The following TMEM38B variants were observed in gnomAD, a reference collection of about 807,000 sequenced individuals.
TMEM38B encodes transmembrane protein 38B, also known as trimeric intracellular cation channel type B.
In TMEM38B, 24 loss-of-function variants were observed where a neutral mutation model predicts 28.7. That is an observed-to-expected ratio of 0.84 (90% CI 0.61 to 1.18). The LOEUF (loss-of-function observed/expected upper bound fraction) is 1.18, where lower values mean the gene tolerates loss of function less well. Among genes scored for constraint, TMEM38B ranks in the 50% most tolerant of loss-of-function variants. TMEM38B has a pLI of 0.00. For synonymous variants in TMEM38B, 131 were observed against 127.7 expected (o/e 1.03, Z -0.17); for missense variants, 380 against 350.9 (o/e 1.08, Z -0.66).
At chr9:105,708,718 T>C (rs920166010) in intron 2 of TMEM38B, among the ~76,000 whole-genome samples, 9 of 152,122 alleles carry the variant, frequency 5.9e-5, no homozygotes, top group African/African-American at 2.2e-4. Context: ...AATCTTTTTT[T>C]CCTCAGAAGT....
In TMEM38B at chr9:105,744,360, G is replaced by A. The variant is rs570231843; in HGVS notation, c.543-3713G>A. On this transcript the variant is annotated intron_variant, in intron 4 of 5. Transcript: ENST00000374692. ...GAGTATATAGGAAGACAATAAATGA[G>A]TATTGTCAACCTGCCATTTTTAACT... Among the ~76,000 whole-genome samples, 207 of 151,976 alleles carry A rather than the reference G, an allele frequency of 1.4e-3. 1 individual carries two copies. The highest frequency in any genetic ancestry group is 4.8e-3 in the African/African-American group (199 of 41,518).
intron 4 of TMEM38B, among the ~76,000 whole-genome samples, chr9:105,724,938 G>A (rs955459531): frequency 4.0e-5 from 6 of 151,824 alleles, no homozygotes; most frequent in African/African-American, 1.5e-4. Context: ...TCCTCCAAAC[G>A]GCCTATAAGT....
Position 105,750,865 on chromosome 9 carries a change from TTGTC to T in TMEM38B, c.660+2678_660+2681del, listed in dbSNP as rs1837623483. Among the ~76,000 whole-genome samples, 5 of 152,348 alleles carry T rather than the reference TTGTC, an allele frequency of 3.3e-5. No individual in the cohort carries two copies. In the South Asian group the frequency reaches 1.0e-3, roughly 32 times the overall value. Reference sequence around the variant, plus strand: ...CAAGTTTTCTCATGTGGATATATAGTTGTCTGAGCACTATTTATTGTAAAAACCG... The same window carrying T: ...CAAGTTTTCTCATGTGGATATATAGTTGAGCACTATTTATTGTAAAAACCG... On this transcript the variant is annotated intron_variant, in intron 5 of 5. Coordinates refer to ENST00000374692, the MANE Select transcript of TMEM38B (RefSeq NM_018112.3).
At chr9:105,750,715 GC>G (rs1837617604) in intron 5 of TMEM38B, among the ~76,000 whole-genome samples, 1 of 152,068 alleles carries the variant, frequency 6.6e-6, no homozygotes, top group Admixed American at 6.6e-5. Flanking sequence ...AGAAACCGTT[GC>G]CAAATCTAAG....
Position 105,735,179 on chromosome 9 carries a change from A to G in TMEM38B, c.542+12558A>G, listed in dbSNP as rs149354470. Among the ~76,000 whole-genome samples the G allele has an allele frequency of 1.3e-3, 202 of 152,272 alleles. 3 individuals are homozygous for G. Among genetic ancestry groups the G allele is most frequent in the African/African-American group, 4.6e-3 (193 of 41,548 alleles). ...AACTTTACTCACATAAAAGTACTCT[A>G]GACATTTTCCCTATCCTTAATTTAT... On this transcript the variant is annotated intron_variant, in intron 4 of 5. Transcript: ENST00000374692.
chr9:105,714,890 T>C (rs2133567786), intron 2 of TMEM38B, among the ~76,000 whole-genome samples: 1 of 152,366 alleles, frequency 6.6e-6, no homozygotes, highest in African/African-American at 2.4e-5. Flanking sequence ...TTGATCATTA[T>C]GTCTAGGCCT....
intron 5 of TMEM38B, among the ~76,000 whole-genome samples, chr9:105,766,628 CCTTTCATGGCCCTT>C (rs1826382209): frequency 6.6e-6 from 1 of 151,570 alleles, no homozygotes; most frequent in South Asian, 2.1e-4. Context: ...ACTAGATTTT[CCTTTCATGGCCCTT>C]CTTTTTGTGT....
chr9:105,715,537 T>C (rs755842767), intron 2 of TMEM38B, among the ~76,000 whole-genome samples: 8 of 152,054 alleles, frequency 5.3e-5, no homozygotes, highest in Admixed American at 2.0e-4. Flanking sequence ...TATTGGCTCT[T>C]CTTTGCCTTT....
chr9:105,732,905 G>T (rs1836814275), intron 4 of TMEM38B, among the ~76,000 whole-genome samples: 1 of 152,112 alleles, frequency 6.6e-6, no homozygotes, highest in Non-Finnish European at 1.5e-5. Context: ...TGGACAGTAT[G>T]GCCATTTTCA....
intron 5 of TMEM38B, among the ~76,000 whole-genome samples, chr9:105,764,544 C>G (rs1588474174): frequency 6.6e-6 from 1 of 152,128 alleles, no homozygotes; most frequent in Non-Finnish European, 1.5e-5. Flanking sequence ...AGGACCTCTT[C>G]AAGGAGAACT....
At chr9:105,748,978 T>G (rs1837541901) in intron 5 of TMEM38B, 4 of 1,032,158 alleles carry the variant, frequency 3.9e-6, no homozygotes, top group African/African-American at 1.7e-5. Flanking sequence ...GGCTAAAAAC[T>G]TATCTACAGG....
At chr9:105,736,858 T>C (rs758513641) in intron 4 of TMEM38B, among the ~76,000 whole-genome samples, 14 of 152,248 alleles carry the variant, frequency 9.2e-5, no homozygotes, top group Non-Finnish European at 2.1e-4. Flanking sequence ...CTTCTTTAAC[T>C]ATAATCAATG....
chr9:105,696,210 A>G (rs866906263), intron 1 of TMEM38B, among the ~76,000 whole-genome samples: 2 of 152,354 alleles, frequency 1.3e-5, no homozygotes, highest in South Asian at 4.1e-4. Context: ...ATTTGTTAGA[A>G]TGTACACAGT....
intron 4 of TMEM38B, among the ~76,000 whole-genome samples, chr9:105,723,817 C>T (rs1319155391): frequency 6.6e-6 from 1 of 152,118 alleles, no homozygotes; most frequent in African/African-American, 2.4e-5. Context: ...GCATGAGCCA[C>T]TGTGCCTGGC....
intron 4 of TMEM38B, among the ~76,000 whole-genome samples, chr9:105,746,787 AG>A (rs1837414688): frequency 6.6e-6 from 1 of 152,204 alleles, no homozygotes; most frequent in African/African-American, 2.4e-5. Flanking sequence ...ATTAGCATGA[AG>A]GGCTGTTGAA....
At chr9:105,738,852 G>A (rs1837081129) in intron 4 of TMEM38B, among the ~76,000 whole-genome samples, 1 of 150,942 alleles carries the variant, frequency 6.6e-6, no homozygotes, top group Non-Finnish European at 1.5e-5. Flanking sequence ...TGAGTAGCTG[G>A]GACTACAGGC....
rs564053645 is a variant in TMEM38B, at chr9:105,774,335, T to C, written c.*255T>C. ...TGTGATTATTTGAATAGTTTTATAT[T>C]AATAAAAGAAGACAAAATTTTTTAA... is the stretch of plus-strand genomic sequence containing the variant. On this transcript the variant is annotated 3_prime_UTR_variant, in exon 6 of 6. Transcript: ENST00000374692. The C allele has an allele frequency of 5.7e-5, 15 of 265,106 alleles. No homozygotes were observed. Among genetic ancestry groups the C allele is most frequent in the Non-Finnish European group, 1.4e-5 (2 of 142,572 alleles). 16.4% of individuals were successfully genotyped at this position (265,106 alleles called of 1,614,324 possible). A position where few individuals can be genotyped will look rare whatever the true frequency, so the allele number is the denominator to read the frequency against.
intron 2 of TMEM38B, among the ~76,000 whole-genome samples, chr9:105,719,238 A>AT (rs919064032): frequency 6.6e-6 from 1 of 151,898 alleles, no homozygotes; most frequent in Non-Finnish European, 1.5e-5. Flanking sequence ...TTCTTTCGTT[A>AT]TTTTTTCTCT....
At position 105,708,582 on chromosome 9, in the gene TMEM38B, G is replaced by C. The variant is rs1564387889; in HGVS notation, c.269+2829G>C. Reference sequence around the variant, plus strand: ...AATACTCGCTTTCACTTTCTTTTATGTAACGTCTTACAACTCTATTCTTGC... The same window carrying C: ...AATACTCGCTTTCACTTTCTTTTATCTAACGTCTTACAACTCTATTCTTGC... On this transcript the variant is annotated intron_variant, in intron 2 of 5. Transcript: ENST00000374692. Among the ~76,000 whole-genome samples, 5 of 152,228 alleles carry C rather than the reference G, an allele frequency of 3.3e-5. No homozygotes were observed. In the South Asian group the frequency reaches 8.3e-4, roughly 25 times the overall value.
Sources: gnomAD v4.1 joint callset for allele counts (sites outside exome capture counted in the v4.1 genomes callset) on GRCh38, gnomAD v4.1.1 for gene constraint, MANE v1.5 for transcripts, NCBI Gene and HGNC (gene_info 2026-07-23, HGNC 2026-07-21) for gene names.